Variants in NFATC3 observed in about 807,000 individuals in gnomAD.
NFATC3 encodes nuclear factor of activated T-cells, cytoplasmic 3.
NFATC3 carries 46 observed loss-of-function variants against 98.6 expected under a neutral mutation model. The observed-to-expected ratio is 0.47, with a 90% CI of 0.37 to 0.60. The LOEUF (loss-of-function observed/expected upper bound fraction) is 0.60. Ranked by LOEUF, NFATC3 falls within the 20% of genes least tolerant of loss-of-function variation. The probability of loss-of-function intolerance (pLI) is 0.00; values close to 1 mark genes in which losing one functional copy is unlikely to be tolerated. For missense variants in NFATC3, 1,256 were observed against 1,295.5 expected, an observed-to-expected ratio of 0.97 and a Z score of 0.47; for synonymous variants, 512 against 472.2, an observed-to-expected ratio of 1.08 and a Z score of -1.09.
At chr16:68,174,953 C>T (rs1172405439) in intron 6 of NFATC3, among the ~76,000 whole-genome samples, 1 of 152,086 alleles carries the variant, frequency 6.6e-6, no homozygotes, top group Admixed American at 6.5e-5. Flanking sequence ...AATACGTGTC[C>T]GTACATGAAC....
intron 3 of NFATC3, among the ~76,000 whole-genome samples, chr16:68,137,995 C>T (rs2037531185): frequency 6.6e-6 from 1 of 151,988 alleles, no homozygotes; most frequent in African/African-American, 2.4e-5. Flanking sequence ...AAAGCCTAGT[C>T]TTTGACTTAA....
intron 9 of NFATC3, chr16:68,214,333 A>G (rs1181578235): frequency 7.4e-6 from 12 of 1,614,098 alleles, no homozygotes; most frequent in South Asian, 3.3e-5. Context: ...ACACAGACCA[A>G]TTTATATCTG....
At chr16:68,174,227 C>T in intron 5 of NFATC3, 147 bp from the exon 6 acceptor site, 1 of 482,524 alleles carries the variant, frequency 2.1e-6, no homozygotes. Flanking sequence ...GTTTTGTTGC[C>T]ATTGTCTTGA....
At chr16:68,111,822 T>G (rs565071625) in intron 1 of NFATC3, among the ~76,000 whole-genome samples, 1 of 152,334 alleles carries the variant, frequency 6.6e-6, no homozygotes, top group East Asian at 1.9e-4. Context: ...GACCTGGTGG[T>G]GCTGAATTCC....
intron 6 of NFATC3, among the ~76,000 whole-genome samples, chr16:68,176,531 T>A (rs1431673360): frequency 6.6e-6 from 1 of 152,166 alleles, no homozygotes; most frequent in Non-Finnish European, 1.5e-5. Context: ...TACTGGATAT[T>A]TCGATATTGT....
rs911551132 is a variant in NFATC3 at position 68,228,553 on chromosome 16, T to G, written c.*2082T>G. The G allele has an allele frequency of 1.3e-5, 2 of 152,670 alleles. No individual in the cohort carries two copies. The highest frequency in any genetic ancestry group is 4.8e-5 in the African/African-American group (2 of 41,466). 9.5% of individuals were successfully genotyped at this position (152,670 alleles called of 1,614,324 possible). ...TGATGCCTGTAGCACTAGAAATGCT[T>G]TCCTATTTAAAATAAACATTAAATT... On this transcript the variant is annotated 3_prime_UTR_variant, in exon 10 of 10. Transcript: ENST00000346183.
chr16:68,178,585 C>T (rs2039820706), intron 6 of NFATC3, among the ~76,000 whole-genome samples: 1 of 151,980 alleles, frequency 6.6e-6, no homozygotes, highest in African/African-American at 2.4e-5. Flanking sequence ...AAGATTATTC[C>T]AGATAAAATT....
At chr16:68,091,118 G>A (rs918363784) in intron 1 of NFATC3, among the ~76,000 whole-genome samples, 4 of 152,130 alleles carry the variant, frequency 2.6e-5, no homozygotes, top group Non-Finnish European at 5.9e-5. Flanking sequence ...TTTCTTAGGT[G>A]TTCCTATTTG....
chr16:68,120,358 G>C (rs1048267498), intron 1 of NFATC3, among the ~76,000 whole-genome samples: 2 of 151,238 alleles, frequency 1.3e-5, no homozygotes. Flanking sequence ...AGGGTAGATT[G>C]CTTGGGGTCA....
rs1177140631 is a variant in NFATC3, at chr16:68,226,341, G to A, written c.3107-9G>A. 3.1e-5 allele frequency: 48 copies of A among 1,572,038 alleles called. No homozygotes were observed. The highest frequency in any genetic ancestry group is 4.0e-5 in the Non-Finnish European group (47 of 1,163,888). On this transcript the variant is annotated splice_polypyrimidine_tract_variant and intron_variant, in intron 9 of 9. Transcript: ENST00000346183. ...GTCACTAATCACTCTCCCTTTTCTT[G>A]TTTTTCAGTGAACGAGATAATTGGG...
At chr16:68,152,365 C>G (rs1339519667) in intron 3 of NFATC3, among the ~76,000 whole-genome samples, 2 of 119,218 alleles carry the variant, frequency 1.7e-5, no homozygotes, top group African/African-American at 6.8e-5. Flanking sequence ...GGCAACAGAG[C>G]GAGACTCTGT....
intron 2 of NFATC3, 27 bp downstream of exon 2, chr16:68,123,148 C>G: frequency 6.4e-7 from 1 of 1,570,904 alleles, no homozygotes; most frequent in South Asian, 1.2e-5. Flanking sequence ...GGCTGCTGGT[C>G]ATTTTTCATG....
At chr16:68,115,518 G>T (rs1229344621) in intron 1 of NFATC3, among the ~76,000 whole-genome samples, 1 of 151,864 alleles carries the variant, frequency 6.6e-6, no homozygotes, top group Non-Finnish European at 1.5e-5. Context: ...TCCGCCTCCC[G>T]GGTTCAACTG....
chr16:68,100,354 C>T (rs1047109512), intron 1 of NFATC3, among the ~76,000 whole-genome samples: 6 of 152,084 alleles, frequency 3.9e-5, no homozygotes, highest in Non-Finnish European at 8.8e-5. Context: ...AGGCAGATCA[C>T]TTGAGGCCAG....
In NFATC3 at chr16:68,161,551, AAGTT is replaced by A. The variant is rs988047699; in HGVS notation, c.1601+3487_1601+3490del. ...ACAGTCCTTTCAACTTAAAGGAAAA[AAGTT>A]AGTGTTTCCCGATGGCATGGTAGAT... On this transcript the variant is annotated intron_variant, in intron 4 of 9. Transcript: ENST00000346183. 3.2e-4 allele frequency among the ~76,000 whole-genome samples: 49 copies of A among 152,268 alleles called. 1 individual carries two copies. The highest frequency in any genetic ancestry group is 1.0e-3 in the African/African-American group (43 of 41,550).
intron 1 of NFATC3, among the ~76,000 whole-genome samples, chr16:68,106,347 C>T (rs2035654063): frequency 1.3e-5 from 2 of 149,580 alleles, no homozygotes; most frequent in African/African-American, 4.9e-5. Flanking sequence ...GGTTAGAGTG[C>T]AATGGTGTGA....
intron 9 of NFATC3, among the ~76,000 whole-genome samples, chr16:68,211,924 G>T (rs1000734042): frequency 1.3e-5 from 2 of 152,212 alleles, no homozygotes; most frequent in African/African-American, 4.8e-5. Context: ...AGGATTTCTG[G>T]AGCACTGCAA....
chr16:68,213,602 C>T (rs1204379316), intron 9 of NFATC3, among the ~76,000 whole-genome samples: 2 of 151,904 alleles, frequency 1.3e-5, no homozygotes, highest in African/African-American at 4.8e-5. Flanking sequence ...CCTAGGCGGG[C>T]GGATAACCTG....
intron 9 of NFATC3, chr16:68,217,640 A>G (rs746746128): frequency 4.9e-6 from 6 of 1,230,932 alleles, no homozygotes; most frequent in African/African-American, 1.6e-5. Flanking sequence ...CACATAGGAA[A>G]TTTCTCTCAC....
Sources: gnomAD v4.1 joint callset for allele counts (sites outside exome capture counted in the v4.1 genomes callset) on GRCh38, gnomAD v4.1.1 for gene constraint, MANE v1.5 for transcripts, NCBI Gene and HGNC (gene_info 2026-07-23, HGNC 2026-07-21) for gene names.